The following TBC1D9 variants were observed in gnomAD, a reference collection of about 807,000 sequenced individuals.
TBC1D9 encodes TBC1 domain family member 9.
A neutral mutation model predicts 132.0 loss-of-function variants in TBC1D9; 63 were observed. The observed-to-expected ratio is 0.48, with a 90% CI of 0.39 to 0.59. The LOEUF (loss-of-function observed/expected upper bound fraction) is 0.59, where lower values mean the gene tolerates loss of function less well. Among genes scored for constraint, TBC1D9 ranks in the 20% least tolerant of loss-of-function variants. The probability of loss-of-function intolerance (pLI) is 0.00; values close to 1 mark genes in which losing one functional copy is unlikely to be tolerated. For synonymous variants in TBC1D9, 610 were observed against 609.9 expected, an observed-to-expected ratio of 1.00 and a Z score of 0.00; for missense variants, 1,261 against 1,592.7, an observed-to-expected ratio of 0.79 and a Z score of 3.54.
chr4:140,705,001 T>C lies in TBC1D9; in HGVS notation c.131-3387A>G. 2.0e-5 allele frequency among the ~76,000 whole-genome samples: 3 copies of C among 152,224 alleles called. 1 individual carries two copies. In the East Asian group the frequency reaches 5.8e-4, roughly 29 times the overall value. The stretch of plus-strand genomic sequence containing the variant: ...TTCAAGTAAATTACAGAAAGTATAA[T>C]ATCAGGATATTCACATTAGATACAT... On this transcript the variant is annotated intron_variant, in intron 1 of 20. Coordinates refer to ENST00000442267, the MANE Select transcript of TBC1D9 (RefSeq NM_015130.3).
At chr4:140,669,526 G>A in intron 8 of TBC1D9, 108 bp downstream of exon 8, 2 of 1,241,052 alleles carry the variant, frequency 1.6e-6, no homozygotes, top group South Asian at 3.1e-5. Context: ...TAACTTATAG[G>A]AAAATCTCCA....
intron 1 of TBC1D9, among the ~76,000 whole-genome samples, chr4:140,729,440 G>A (rs1201743779): frequency 1.3e-5 from 2 of 152,160 alleles, no homozygotes; most frequent in African/African-American, 2.4e-5. Flanking sequence ...GCCCCATGGA[G>A]GCACCAGGGA....
chr4:140,752,101 C>T (rs1738935141), intron 1 of TBC1D9, among the ~76,000 whole-genome samples: 1 of 152,126 alleles, frequency 6.6e-6, no homozygotes, highest in African/African-American at 2.4e-5. Context: ...CCACAGGCAC[C>T]AAGAAACATG....
At chr4:140,731,682 C>CAT (rs1283713564) in intron 1 of TBC1D9, among the ~76,000 whole-genome samples, 1 of 151,348 alleles carries the variant, frequency 6.6e-6, no homozygotes, top group African/African-American at 2.4e-5. Context: ...CACACACACA[C>CAT]ACACACACAC....
intron 13 of TBC1D9, chr4:140,643,138 C>T: frequency 7.0e-7 from 1 of 1,432,102 alleles, no homozygotes; most frequent in East Asian, 2.5e-5. Context: ...ACGGGCCCAT[C>T]CAGCACCTCC....
chr4:140,755,782 C>T (rs1739002090), intron 1 of TBC1D9, 134 bp downstream of exon 1: 1 of 1,319,588 alleles, frequency 7.6e-7, no homozygotes, highest in Non-Finnish European at 9.7e-7. Flanking sequence ...CTCGATGCCT[C>T]GCATACAACG....
chr4:140,737,227 G>T (rs1193777172), intron 1 of TBC1D9, among the ~76,000 whole-genome samples: 1 of 152,058 alleles, frequency 6.6e-6, no homozygotes, highest in Non-Finnish European at 1.5e-5. Flanking sequence ...CTTGGGGTTT[G>T]GGGACCCCTG....
At chr4:140,712,628 G>T (rs866140589) in intron 1 of TBC1D9, among the ~76,000 whole-genome samples, 5 of 150,822 alleles carry the variant, frequency 3.3e-5, no homozygotes, top group African/African-American at 4.9e-5. Context: ...TGTTGTCCCA[G>T]CTACTCAGGA....
chr4:140,752,560 T>A (rs1254449357), intron 1 of TBC1D9, among the ~76,000 whole-genome samples: 1 of 136,244 alleles, frequency 7.3e-6, no homozygotes, highest in Non-Finnish European at 1.7e-5. Flanking sequence ...GTGTTCTATT[T>A]TTTTTTATCC....
At chr4:140,730,707 C>T (rs756660135) in intron 1 of TBC1D9, among the ~76,000 whole-genome samples, 19 of 152,106 alleles carry the variant, frequency 1.2e-4, no homozygotes, top group Non-Finnish European at 2.5e-4. Context: ...GCCTGGGCAA[C>T]AGAGCAAGAC....
chr4:140,701,062 C>T (rs1738062037), intron 2 of TBC1D9: 1 of 186,622 alleles, frequency 5.4e-6, no homozygotes, highest in Non-Finnish European at 1.1e-5. Context: ...TTAGTACATC[C>T]AAGTATTCCA....
intron 1 of TBC1D9, among the ~76,000 whole-genome samples, chr4:140,711,910 C>T (rs960200637): frequency 4.6e-5 from 7 of 152,262 alleles, no homozygotes; most frequent in African/African-American, 1.4e-4. Flanking sequence ...GACAATTCTG[C>T]TATTTTATGG....
At chr4:140,634,713 C>T (rs753768294) in intron 15 of TBC1D9, among the ~76,000 whole-genome samples, 4 of 152,100 alleles carry the variant, frequency 2.6e-5, no homozygotes, top group Admixed American at 1.3e-4. Flanking sequence ...GCTTTAATGT[C>T]CCATGTATCA....
chr4:140,661,902 C>A lies in TBC1D9; in HGVS notation c.1794G>T (p.Gly598=), dbSNP rs1737367167. The change falls in exon 10 of 21, where the codon GGG becomes GGT. Residue 598 remains glycine, a synonymous_variant. Transcript: ENST00000442267. ...TAYAFRNPNI[G]YCQAMNIVTS... ...CACCTGTGACATTTACCTGGCAATA[C>A]CCTATGTTGGGATTTCGAAAAGCAT... 6.2e-7 allele frequency: 1 copy of A among 1,613,280 alleles called. No individual in the cohort carries two copies. The highest frequency in any genetic ancestry group is 8.5e-7 in the Non-Finnish European group (1 of 1,179,480).
chr4:140,755,602 A>G (rs1042196764), intron 1 of TBC1D9, among the ~76,000 whole-genome samples: 5 of 152,114 alleles, frequency 3.3e-5, no homozygotes, highest in Non-Finnish European at 5.9e-5. Context: ...GGGGAGGGGA[A>G]GGGAATGATG....
intron 2 of TBC1D9, among the ~76,000 whole-genome samples, chr4:140,693,954 A>G (rs1331796337): frequency 6.6e-6 from 1 of 152,236 alleles, no homozygotes; most frequent in Non-Finnish European, 1.5e-5. Flanking sequence ...TCAGTAGTTA[A>G]CATCCTTATT....
At chr4:140,639,298 A>T in intron 14 of TBC1D9, 32 bp downstream of exon 14, 1 of 1,550,850 alleles carries the variant, frequency 6.4e-7, no homozygotes, top group Non-Finnish European at 8.8e-7. Flanking sequence ...GGAAGATGAC[A>T]GAGGTTGCCT....
chr4:140,661,166 G>A (rs919380344), intron 10 of TBC1D9, among the ~76,000 whole-genome samples: 53 of 152,116 alleles, frequency 3.5e-4, no homozygotes, highest in Admixed American at 5.2e-4. Flanking sequence ...CTCCGGCCTT[G>A]GCTTACCAAA....
intron 9 of TBC1D9, among the ~76,000 whole-genome samples, chr4:140,664,605 T>C (rs1319608652): frequency 1.3e-5 from 2 of 152,182 alleles, no homozygotes; most frequent in African/African-American, 2.4e-5. Flanking sequence ...AGTGTAGTAC[T>C]GGCATAAAGA....
Sources: gnomAD v4.1 joint callset for allele counts (sites outside exome capture counted in the v4.1 genomes callset) on GRCh38, gnomAD v4.1.1 for gene constraint, MANE v1.5 for transcripts, NCBI Gene and HGNC (gene_info 2026-07-23, HGNC 2026-07-21) for gene names.